KATNAL2: variants seen among roughly 807,000 people sequenced by gnomAD.
The protein encoded by KATNAL2 is katanin catalytic subunit A1 like 2.
Under a neutral mutation model 76.3 loss-of-function variants are expected in KATNAL2, and 52 were observed. The ratio of observed to expected loss-of-function variants is 0.68; its 90% CI spans 0.55 to 0.86. The LOEUF is 0.86. Among genes scored for constraint, KATNAL2 ranks in the 40% least tolerant of loss-of-function variants. The pLI, the probability that KATNAL2 is intolerant of heterozygous loss-of-function variation, is 0.00. For missense variants in KATNAL2, 660 were observed against 668.9 expected (o/e 0.99, Z 0.15); for synonymous variants, 243 against 244.2 (o/e 1.00, Z 0.05).
chr18:47,054,362 T>C (rs755913997), intron 5 of KATNAL2, 34 bp from the exon 6 acceptor site: 2 of 1,583,820 alleles, frequency 1.3e-6, no homozygotes, highest in South Asian at 2.2e-5. Flanking sequence ...CTTAAAATTA[T>C]TTTCTTTCCC....
chr18:47,063,690 G>A (rs1053152775), intron 10 of KATNAL2, among the ~76,000 whole-genome samples: 5 of 152,188 alleles, frequency 3.3e-5, no homozygotes, highest in Non-Finnish European at 5.9e-5. Flanking sequence ...GAAGAAAAGA[G>A]TATGTCTGCA....
At chr18:46,933,781 T>G in intron 1 of KATNAL2, among the ~76,000 whole-genome samples, 1 of 77,216 alleles carries the variant, frequency 1.3e-5, no homozygotes, top group Non-Finnish European at 2.4e-5. Context: ...CTAATGGCTA[T>G]CCCTCCCCCC....
chr18:46,926,156 A>G (rs1487300098), intron 1 of KATNAL2, among the ~76,000 whole-genome samples: 9 of 151,982 alleles, frequency 5.9e-5, no homozygotes, highest in African/African-American at 2.2e-4. Context: ...TTGCTTTTCT[A>G]GTTCTTTTAA....
In KATNAL2 at chr18:46,942,485, G is replaced by A. The variant is rs994640714; in HGVS notation, c.-509-3572G>A. Among the ~76,000 whole-genome samples, 11 of 152,096 alleles carry A rather than the reference G, an allele frequency of 7.2e-5. No individual in the cohort carries two copies. In the East Asian group the frequency reaches 9.7e-4, roughly 13 times the overall value. On this transcript the variant is annotated intron_variant, in intron 1 of 17. Transcript: ENST00000683218. ...AAAAATTAGCCGGGCGTGGTGGTGC[G>A]TGCCTGTAATCCCAGCTACTTGGGA...
At chr18:47,064,253 G>A (rs923551496) in intron 10 of KATNAL2, among the ~76,000 whole-genome samples, 3 of 151,890 alleles carry the variant, frequency 2.0e-5, no homozygotes, top group Non-Finnish European at 4.4e-5. Flanking sequence ...GGAGGGAGGG[G>A]TGGGGAAAGT....
In KATNAL2 at chr18:46,962,113, G is replaced by A. The variant is rs1033870589; in HGVS notation, c.51+15190G>A. Among the ~76,000 whole-genome samples, 2 of 150,538 alleles carry A rather than the reference G, an allele frequency of 1.3e-5. 1 individual carries two copies. The highest frequency in any genetic ancestry group is 5.0e-5 in the African/African-American group (2 of 40,144). Reference sequence around the variant, plus strand: ...AGCCACTTGAGCAAATAGGATTTTGGCTCAGCCCTCTAAGAAGCTGGGACC... The same window carrying A: ...AGCCACTTGAGCAAATAGGATTTTGACTCAGCCCTCTAAGAAGCTGGGACC... On this transcript the variant is annotated intron_variant, in intron 3 of 17. Coordinates refer to ENST00000683218, the MANE Select transcript of KATNAL2 (RefSeq NM_001387690.1).
At chr18:47,052,285 AGTGCAATGT>A (rs2147094252) in intron 4 of KATNAL2, among the ~76,000 whole-genome samples, 1 of 152,348 alleles carries the variant, frequency 6.6e-6, no homozygotes, top group Admixed American at 6.5e-5. Flanking sequence ...AACACTCTGA[AGTGCAATGT>A]GTGACTGATT....
At chr18:47,050,144 T>G (rs984975039) in intron 4 of KATNAL2, among the ~76,000 whole-genome samples, 1 of 152,122 alleles carries the variant, frequency 6.6e-6, no homozygotes, top group African/African-American at 2.4e-5. Flanking sequence ...TCCAGAGTGC[T>G]GAGATTACTG....
At chr18:47,033,852 C>T (rs916484069) in intron 3 of KATNAL2, 1 of 1,614,082 alleles carries the variant, frequency 6.2e-7, no homozygotes, top group Non-Finnish European at 8.5e-7. Flanking sequence ...CGTAGTTGGC[C>T]TGCATCCAGG....
intron 4 of KATNAL2, among the ~76,000 whole-genome samples, chr18:47,052,559 AAAGAC>A (rs1376576340): frequency 6.6e-6 from 1 of 152,242 alleles, no homozygotes; most frequent in African/African-American, 2.4e-5. Context: ...GCAAATGAGT[AAAGAC>A]AAATCACAAG....
At chr18:46,946,815 G>C (rs1414099820) in intron 2 of KATNAL2, 39 bp from the exon 3 acceptor site, 9 of 1,509,072 alleles carry the variant, frequency 6.0e-6, no homozygotes, top group Non-Finnish European at 8.0e-6. Context: ...TGGATCGACC[G>C]GTCAGCCCAG....
chr18:46,918,464 G>GT (rs1047725473), intron 1 of KATNAL2, among the ~76,000 whole-genome samples: 2 of 152,046 alleles, frequency 1.3e-5, no homozygotes, highest in African/African-American at 4.8e-5. Context: ...CGCAAGTTTT[G>GT]TTTTTTTGAG....
At chr18:46,919,729 A>G (rs2058423669) in intron 1 of KATNAL2, among the ~76,000 whole-genome samples, 1 of 152,246 alleles carries the variant, frequency 6.6e-6, no homozygotes, top group Non-Finnish European at 1.5e-5. Context: ...TAAATGCCTA[A>G]CAAATAGTTG....
chr18:47,073,891 C>A (rs1351951470), intron 13 of KATNAL2, among the ~76,000 whole-genome samples: 1 of 152,208 alleles, frequency 6.6e-6, no homozygotes, highest in Non-Finnish European at 1.5e-5. Context: ...AGTATGAATG[C>A]CTAGACTCCA....
At chr18:47,098,352 C>A (rs1401197527) in intron 15 of KATNAL2, 1 of 240,050 alleles carries the variant, frequency 4.2e-6, no homozygotes, top group Non-Finnish European at 8.4e-6. Context: ...TGGCGGGGGG[C>A]AAAAGACACT....
chr18:47,034,010 C>G, intron 3 of KATNAL2: 1 of 1,614,026 alleles, frequency 6.2e-7, no homozygotes, highest in Non-Finnish European at 8.5e-7. Context: ...TCACGAGTGC[C>G]CTTGGATTCG....
chr18:47,037,157 C>A (rs998811169), intron 3 of KATNAL2, among the ~76,000 whole-genome samples: 30 of 152,196 alleles, frequency 2.0e-4, no homozygotes, highest in African/African-American at 5.5e-4. Flanking sequence ...ATCTCCATTG[C>A]ACCCGTAAAA....
At chr18:47,069,731 C>A (rs2061930906) in intron 13 of KATNAL2, 131 bp downstream of exon 13, 1 of 593,946 alleles carries the variant, frequency 1.7e-6, no homozygotes, top group African/African-American at 1.8e-5. Context: ...ATCTTGATTA[C>A]CAGCAGCTTG....
chr18:47,043,245 A>AAAAAAAAAAAAAAAAAAAAGAAAAAT (rs376877321), intron 3 of KATNAL2, among the ~76,000 whole-genome samples: 1 of 93,176 alleles, frequency 1.1e-5, no homozygotes, highest in Admixed American at 1.4e-4. Context: ...AAAAAAAAAA[A>AAAAAAAAAAAAAAAAAAAAGAAAAAT]GAGATCCTAA....
Sources: gnomAD v4.1 joint callset for allele counts (sites outside exome capture counted in the v4.1 genomes callset) on GRCh38, gnomAD v4.1.1 for gene constraint, MANE v1.5 for transcripts, NCBI Gene and HGNC (gene_info 2026-07-23, HGNC 2026-07-21) for gene names.